Variants in PDZRN3 observed in about 807,000 individuals in gnomAD.
The protein encoded by PDZRN3 is PDZ domain containing ring finger 3.
In PDZRN3, 38 loss-of-function variants were observed where a neutral mutation model predicts 85.7. That is an observed-to-expected ratio of 0.44 (90% CI 0.34 to 0.58). PDZRN3 has a LOEUF of 0.58. PDZRN3 is among the 20% of genes least tolerant of loss of function. The pLI is 0.01. For synonymous variants in PDZRN3, 759 were observed against 638.0 expected, an observed-to-expected ratio of 1.19 and a Z score of -2.86; for missense variants, 1,629 against 1,506.4, an observed-to-expected ratio of 1.08 and a Z score of -1.35.
At chr3:73,602,914 A>G (rs1393265766) in intron 2 of PDZRN3, among the ~76,000 whole-genome samples, 1 of 152,264 alleles carries the variant, frequency 6.6e-6, no homozygotes, top group Non-Finnish European at 1.5e-5. Context: ...GTGACTGAAC[A>G]GTATCCAACA....
In PDZRN3 at chr3:73,449,764, T is replaced by A. The variant is rs1702821461; in HGVS notation, c.919-45369A>T. 2.0e-5 allele frequency among the ~76,000 whole-genome samples: 3 copies of A among 152,356 alleles called. No homozygotes were observed. The South Asian group carries it at 6.2e-4, about 32-fold the overall frequency. On this transcript the variant is annotated intron_variant, in intron 3 of 9. Transcript: ENST00000263666. The stretch of plus-strand genomic sequence containing the variant: ...AATAAGTGGCAGCCTGGACTTTTAT[T>A]CTTATGGCACAGGCTGCAAAAGAAT...
chr3:73,524,157 CA>C (rs1704464007), intron 3 of PDZRN3, among the ~76,000 whole-genome samples: 1 of 151,974 alleles, frequency 6.6e-6, no homozygotes, highest in South Asian at 2.1e-4. Context: ...TAGAATCCTG[CA>C]AAAAAGAAGG....
chr3:73,426,830 C>T lies in PDZRN3; in HGVS notation c.919-22435G>A, dbSNP rs189285946. 2.7e-3 allele frequency among the ~76,000 whole-genome samples: 412 copies of T among 152,218 alleles called. 3 individuals carry two copies. The highest frequency in any genetic ancestry group is 3.5e-3 in the Admixed American group (53 of 15,280). Reference sequence around the variant, plus strand: ...AGTGCATTTCTAACAAACACGTTCCCAGATGCTGTTGCTGGGCCAGGACCC... The same window carrying T: ...AGTGCATTTCTAACAAACACGTTCCTAGATGCTGTTGCTGGGCCAGGACCC... On this transcript the variant is annotated intron_variant, in intron 3 of 9. Coordinates refer to ENST00000263666, the MANE Select transcript of PDZRN3 (RefSeq NM_015009.3).
At chr3:73,401,383 G>A (rs1701746118) in intron 4 of PDZRN3, among the ~76,000 whole-genome samples, 1 of 152,158 alleles carries the variant, frequency 6.6e-6, no homozygotes, top group African/African-American at 2.4e-5. Context: ...TTTTATCTCT[G>A]CAGAGAACTA....
intron 3 of PDZRN3, chr3:73,569,248 A>G (rs1170095841): frequency 4.8e-5 from 62 of 1,283,436 alleles, no homozygotes; most frequent in Non-Finnish European, 6.2e-5. Flanking sequence ...GCAAAGATGA[A>G]CAAGAGGAGC....
intron 3 of PDZRN3, among the ~76,000 whole-genome samples, chr3:73,473,992 C>G (rs1233861545): frequency 6.6e-6 from 1 of 152,234 alleles, no homozygotes; most frequent in Non-Finnish European, 1.5e-5. Context: ...TAACAGATAA[C>G]TAATATACTT....
intron 3 of PDZRN3, among the ~76,000 whole-genome samples, chr3:73,577,330 T>C (rs1405822403): frequency 6.6e-6 from 1 of 152,200 alleles, no homozygotes; most frequent in East Asian, 1.9e-4. Flanking sequence ...ATGTTTTACA[T>C]TGCAACCCCA....
intron 3 of PDZRN3, among the ~76,000 whole-genome samples, chr3:73,548,088 G>C (rs915572364): frequency 6.6e-6 from 1 of 152,166 alleles, no homozygotes; most frequent in African/African-American, 2.4e-5. Flanking sequence ...GTTAAAGCGG[G>C]GGAAGCTTCA....
At chr3:73,568,771 A>G (rs1167094494) in intron 3 of PDZRN3, among the ~76,000 whole-genome samples, 1 of 152,180 alleles carries the variant, frequency 6.6e-6, no homozygotes, top group Admixed American at 6.5e-5. Context: ...TGATTATCTA[A>G]AAATTAAATA....
intron 3 of PDZRN3, among the ~76,000 whole-genome samples, chr3:73,583,576 G>C (rs1250456927): frequency 6.6e-6 from 1 of 151,980 alleles, no homozygotes; most frequent in Non-Finnish European, 1.5e-5. Context: ...CTCTGCCAAG[G>C]AAACATGGCA....
chr3:73,448,390 T>G (rs996770860), intron 3 of PDZRN3, among the ~76,000 whole-genome samples: 9 of 152,208 alleles, frequency 5.9e-5, no homozygotes, highest in African/African-American at 2.2e-4. Flanking sequence ...TTTTTTACAT[T>G]TTCACTTTTA....
At chr3:73,474,458 A>G in intron 3 of PDZRN3, 1 of 1,283,456 alleles carries the variant, frequency 7.8e-7, no homozygotes, top group South Asian at 1.2e-5. Context: ...AACTCACCAA[A>G]TACCATCTTC....
At chr3:73,457,228 A>G (rs1451891064) in intron 3 of PDZRN3, among the ~76,000 whole-genome samples, 1 of 151,926 alleles carries the variant, frequency 6.6e-6, no homozygotes, top group African/African-American at 2.4e-5. Context: ...GCCCACCACC[A>G]TGCCCGGCTA....
At chr3:73,478,481 C>G (rs776436816) in intron 3 of PDZRN3, among the ~76,000 whole-genome samples, 6 of 151,752 alleles carry the variant, frequency 4.0e-5, no homozygotes, top group Admixed American at 6.6e-5. Context: ...TGCAAGGCTC[C>G]CACTGATTCT....
In PDZRN3 at chr3:73,624,643, C is replaced by A; in HGVS notation, c.183G>T (p.Ser61=). The change falls in exon 1 of 10, where the codon TCG becomes TCT. Residue 61 remains serine, a synonymous_variant. Coordinates refer to ENST00000263666, the MANE Select transcript of PDZRN3 (RefSeq NM_015009.3). ...GCAGGACGTGGTTGAGCTCTTTGGC[C>A]GACAGGCGACCGCGGCAGCGCGCCG... ...SCPARCRGRL[S]AKELNHVLPL... 3.2e-6 allele frequency: 5 copies of A among 1,548,658 alleles called. No homozygotes were observed. The highest frequency in any genetic ancestry group is 4.3e-6 in the Non-Finnish European group (5 of 1,151,132).
chr3:73,517,468 T>C (rs781024487), intron 3 of PDZRN3, among the ~76,000 whole-genome samples: 1 of 152,156 alleles, frequency 6.6e-6, no homozygotes, highest in Non-Finnish European at 1.5e-5. Flanking sequence ...GAAGAACAGA[T>C]ACTAGGTAAA....
intron 3 of PDZRN3, among the ~76,000 whole-genome samples, chr3:73,446,293 G>T (rs533221429): frequency 1.3e-4 from 20 of 152,320 alleles, no homozygotes; most frequent in African/African-American, 4.3e-4. Flanking sequence ...TACATGGGCA[G>T]TGAGCGTTTC....
At chr3:73,454,466 G>A (rs1702938636) in intron 3 of PDZRN3, among the ~76,000 whole-genome samples, 1 of 152,202 alleles carries the variant, frequency 6.6e-6, no homozygotes, top group African/African-American at 2.4e-5. Context: ...TGAAAAAGGG[G>A]CTGATTTGAG....
chr3:73,490,845 C>T (rs941325852), intron 3 of PDZRN3, among the ~76,000 whole-genome samples: 4 of 152,222 alleles, frequency 2.6e-5, no homozygotes, highest in Non-Finnish European at 5.9e-5. Flanking sequence ...ATTCAAGTGA[C>T]CTAGACCAGC....
Sources: gnomAD v4.1 joint callset for allele counts (sites outside exome capture counted in the v4.1 genomes callset) on GRCh38, gnomAD v4.1.1 for gene constraint, MANE v1.5 for transcripts, NCBI Gene and HGNC (gene_info 2026-07-23, HGNC 2026-07-21) for gene names.